Variants in RENBP observed in about 807,000 individuals in gnomAD.
The protein encoded by RENBP is renin binding protein.
Under a neutral mutation model 37.8 loss-of-function variants are expected in RENBP, and 16 were observed. The ratio of observed to expected loss-of-function variants is 0.42; its 90% CI spans 0.29 to 0.64. The LOEUF (loss-of-function observed/expected upper bound fraction) is 0.64. Among genes scored for constraint, RENBP ranks in the 30% least tolerant of loss-of-function variants. The probability of loss-of-function intolerance (pLI) is 0.19; values close to 1 mark genes in which losing one functional copy is unlikely to be tolerated. For missense variants in RENBP, 347 were observed against 379.5 expected, an observed-to-expected ratio of 0.91 and a Z score of 0.71; for synonymous variants, 170 against 154.8, an observed-to-expected ratio of 1.10 and a Z score of -0.73.
At chrX:153,942,169 C>T in intron 6 of RENBP, 138 bp from the exon 7 acceptor site, 1 of 467,514 alleles carries the variant, frequency 2.1e-6, no homozygotes, top group Non-Finnish European at 3.7e-6. Flanking sequence ...CTTGGGTGGG[C>T]CAGGCTCAGA....
rs782567208 is a variant in RENBP, at chrX:153,942,883, C to T, written c.659G>A (p.Cys220Tyr). Residue 220 changes from cysteine to tyrosine, a missense_variant, in exon 6 of 11, where the codon TGC becomes TAC. By Grantham distance (194) the Cys-to-Tyr change is radical. Coordinates refer to ENST00000393700, the MANE Select transcript of RENBP (RefSeq NM_002910.6). ...AGKYAELGDW[C>Y]ARRILQHVQR... is the part of the protein sequence containing the mutation. ...CACGTGCTGCAGAATCCTCCGGGCG[C>T]ACCAGTCCCCCAGCTCTGCGTATTT... 1 of 1,210,757 alleles carries T rather than the reference C, an allele frequency of 8.3e-7. No individual in the cohort carries two copies. Among genetic ancestry groups the T allele is most frequent in the Non-Finnish European group, 1.1e-6 (1 of 894,864 alleles).
At chrX:153,940,387 T>C (rs1449925978) in intron 8 of RENBP, among the ~76,000 whole-genome samples, 154 bp from the exon 9 acceptor site, 3 of 112,085 alleles carry the variant, frequency 2.7e-5, no homozygotes, top group African/African-American at 9.7e-5. Context: ...ATCAGCTTCC[T>C]GACCTGTAGA....
intron 9 of RENBP, among the ~76,000 whole-genome samples, chrX:153,938,810 T>TTTTG (rs2065214517): frequency 9.8e-6 from 1 of 101,884 alleles, no homozygotes; most frequent in Admixed American, 1.1e-4. Context: ...TTTTTTTTTT[T>TTTTG]GAGACCAAGT....
intron 8 of RENBP, among the ~76,000 whole-genome samples, chrX:153,940,861 C>CGG (rs34647771): frequency 9.0e-6 from 1 of 111,572 alleles, no homozygotes; most frequent in Non-Finnish European, 1.9e-5. Flanking sequence ...GGCAACCAGC[C>CGG]GGGTGCGGTG....
chrX:153,941,680 CGGGGGGCGGGGGGTGGGGTTGAGGGA>C, intron 7 of RENBP, 27 bp from the exon 8 acceptor site: 1 of 346,217 alleles, frequency 2.9e-6, no homozygotes, highest in Non-Finnish European at 4.0e-6. Context: ...TACGGAAGGG[CGGGGGGCGGGGGGTGGGGTTGAGGGA>C]GGGAACAGAG....
At chrX:153,944,038 G>A in intron 3 of RENBP, 42 bp downstream of exon 3, 4 of 1,203,622 alleles carry the variant, frequency 3.3e-6, no homozygotes, top group East Asian at 3.0e-5. Context: ...CCTTTGAGGC[G>A]ATGGGCCGTG....
At chrX:153,936,961 C>T (rs1169758250) in intron 9 of RENBP, 1 of 111,690 alleles carries the variant, frequency 9.0e-6, no homozygotes, top group East Asian at 2.8e-4. Context: ...CTTTGAGAGG[C>T]CGAGGCGGGA....
At chrX:153,937,791 C>A (rs1226462820) in intron 9 of RENBP, among the ~76,000 whole-genome samples, 1 of 111,160 alleles carries the variant, frequency 9.0e-6, no homozygotes, top group Non-Finnish European at 1.9e-5. Context: ...ATGGGGGTTT[C>A]ACCATGTCAG....
chrX:153,940,344 C>A, intron 8 of RENBP, 111 bp from the exon 9 acceptor site: 1 of 976,145 alleles, frequency 1.0e-6, no homozygotes, highest in Non-Finnish European at 1.4e-6. Flanking sequence ...TGCGGGACAT[C>A]TTTGGAAGTT....
chrX:153,941,611 A>G lies in RENBP; in HGVS notation c.812T>C (p.Ile271Thr). ...TCGAAGTTCGGGGTCGCCTTTCCGA[A>G]TGCAATGACGGAGCAGAAACCAGCC... Reference protein sequence around the residue: ...EAGWFLLRHCIRKGDPELRAH... With the variant: ...EAGWFLLRHCTRKGDPELRAH... Residue 271 changes from isoleucine (I) to threonine (T), a missense_variant, in exon 8 of 11, where the codon ATT becomes ACT. Around this residue, in one of 3 missense-constraint regions of RENBP, gnomAD observed 244 missense variants for 279.4 expected, o/e 0.87. Coordinates refer to ENST00000393700, the MANE Select transcript of RENBP (RefSeq NM_002910.6). 8.3e-7 allele frequency: 1 copy of G among 1,202,928 alleles called. No individual in the cohort carries two copies. Among genetic ancestry groups the G allele is most frequent in the Non-Finnish European group, 1.1e-6 (1 of 892,887 alleles).
chrX:153,942,779 G>T, intron 6 of RENBP, 76 bp downstream of exon 6: 1 of 849,180 alleles, frequency 1.2e-6, no homozygotes, highest in Non-Finnish European at 1.8e-6. Context: ...CTCCAGGTGT[G>T]TCGAGCCCCA....
At position 153,941,873 on chromosome X, in the gene RENBP, C is replaced by A. The variant is rs1158760344; in HGVS notation, c.769+77G>T. 6.3e-6 allele frequency: 6 copies of A among 946,757 alleles called. No individual in the cohort carries two copies. In the Admixed American group the frequency reaches 1.1e-4, roughly 18 times the overall value. The allele number at this position is 946,757 out of a possible 1,213,427, so 78.0% of individuals were successfully genotyped here. A position where few individuals can be genotyped will look rare whatever the true frequency, so the allele number is the denominator to read the frequency against. On this transcript the variant is annotated intron_variant, in intron 7 of 10. Coordinates refer to ENST00000393700, the MANE Select transcript of RENBP (RefSeq NM_002910.6). ...CCTCAAGGCGCCCCCGCCAGGCACTCCCATATCTGAAGCCCAGAACACAAG... is the reference window on the plus strand; with the variant it reads ...CCTCAAGGCGCCCCCGCCAGGCACTACCATATCTGAAGCCCAGAACACAAG...
Position 153,942,619 on chromosome X carries a change from G to A in RENBP, c.687+236C>T, listed in dbSNP as rs1294673499. 5 of 422,331 alleles carry A rather than the reference G, an allele frequency of 1.2e-5. No homozygotes were observed. The Admixed American group carries it at 1.7e-4, about 15-fold the overall frequency. 34.8% of individuals were successfully genotyped at this position (422,331 alleles called of 1,213,427 possible). ...TGAAACATTGAATGGGGACAGACAG[G>A]GCGGGTTTCACGGCCCAGAGGCCTG... On this transcript the variant is annotated intron_variant, in intron 6 of 10. Transcript: ENST00000393700.
intron 1 of RENBP, 35 bp downstream of exon 1, chrX:153,944,549 A>G: frequency 1.7e-6 from 2 of 1,171,066 alleles, no homozygotes; most frequent in Non-Finnish European, 2.3e-6. Context: ...GGGACCCTCC[A>G]AGACAGCACT....
rs143192047 is a variant in RENBP, at chrX:153,941,598, G to T, written c.825C>A (p.Asp275Glu). The T allele has an allele frequency of 1.5e-5, 18 of 1,207,434 alleles. No individual in the cohort carries two copies. The highest frequency in any genetic ancestry group is 1.9e-5 in the Non-Finnish European group (17 of 894,438). The change falls in exon 8 of 11, where the codon GAC becomes GAA. Residue 275 changes from aspartate (D) to glutamate (E), a missense_variant. Physicochemically the swap from Asp to Glu is conservative, Grantham distance 45 (BLOSUM62 2). Around this residue, in one of 3 missense-constraint regions of RENBP, gnomAD observed 244 missense variants for 279.4 expected, o/e 0.87. Transcript: ENST00000393700. ...CAATCACGTGGGCTCGAAGTTCGGG[G>T]TCGCCTTTCCGAATGCAATGACGGA... ...FLLRHCIRKGDPELRAHVIDK... is the reference protein window; with the variant it reads ...FLLRHCIRKGEPELRAHVIDK...
At position 153,943,886 on chromosome X, in the gene RENBP, G is replaced by A; in HGVS notation, c.289+9C>T. On this transcript the variant is annotated intron_variant, in intron 4 of 10. Coordinates refer to ENST00000393700, the MANE Select transcript of RENBP (RefSeq NM_002910.6). ...GTCACTGGGAGATGGGCAGGAAGGGGGCACCTACCTGCTTTTGCTGCGTCC... is the reference window on the plus strand; with the variant it reads ...GTCACTGGGAGATGGGCAGGAAGGGAGCACCTACCTGCTTTTGCTGCGTCC... 2 of 1,177,626 alleles carry A rather than the reference G, an allele frequency of 1.7e-6. No individual in the cohort carries two copies. The highest frequency in any genetic ancestry group is 2.3e-6 in the Non-Finnish European group (2 of 877,909).
In RENBP at chrX:153,943,979, T is replaced by A; in HGVS notation, c.214-9A>T. ...CGACAATACATCCATACCTGCGGGGTACGGGAGGGAAAGTGGCTTAAGTGG... is the reference window on the plus strand; with the variant it reads ...CGACAATACATCCATACCTGCGGGGAACGGGAGGGAAAGTGGCTTAAGTGG... On this transcript the variant is annotated splice_polypyrimidine_tract_variant and intron_variant, in intron 3 of 10. Transcript: ENST00000393700. 3 of 1,203,481 alleles carry A rather than the reference T, an allele frequency of 2.5e-6. No individual in the cohort carries two copies. In the South Asian group the frequency reaches 5.4e-5, roughly 21 times the overall value.
At chrX:153,942,243 T>TTG (rs2065230580) in intron 6 of RENBP, 1 of 269,834 alleles carries the variant, frequency 3.7e-6, no homozygotes, top group Non-Finnish European at 6.0e-6. Context: ...TTTTTTTTTT[T>TTG]TTTTTTTTTT....
At chrX:153,939,010 T>C (rs1489211771) in intron 9 of RENBP, among the ~76,000 whole-genome samples, 1 of 109,770 alleles carries the variant, frequency 9.1e-6, no homozygotes, top group African/African-American at 3.3e-5. Context: ...GCCAGGCTGG[T>C]CTTGAACTCC....
Sources: allele counts gnomAD v4.1 joint callset (sites outside exome capture counted in the v4.1 genomes callset), GRCh38; gene constraint gnomAD v4.1.1; regional missense constraint gnomAD v4.1.1; transcripts MANE v1.5; gene names NCBI Gene and HGNC (gene_info 2026-07-23, HGNC 2026-07-21).